Variants in TGFB2 observed in about 807,000 individuals in gnomAD.
TGFB2 encodes the protein transforming growth factor beta 2, also known as transforming growth factor beta-2 proprotein.
Under a neutral mutation model 42.7 loss-of-function variants are expected in TGFB2, and 13 were observed. That is an observed-to-expected ratio of 0.30 (90% confidence interval 0.20 to 0.48). The LOEUF (loss-of-function observed/expected upper bound fraction) is 0.48. TGFB2 is among the 20% of genes least tolerant of loss of function. The pLI is 0.99. For synonymous variants in TGFB2, 193 were observed against 193.6 expected (o/e 1.00, Z 0.03); for missense variants, 390 against 517.5 (o/e 0.75, Z 2.39).
At chr1:218,430,317 C>T (rs1049913535) in intron 2 of TGFB2, among the ~76,000 whole-genome samples, 2 of 151,898 alleles carry the variant, frequency 1.3e-5, no homozygotes, top group African/African-American at 4.8e-5. Context: ...ATCACTTGAA[C>T]CCTGGAGGCG....
intron 1 of TGFB2, among the ~76,000 whole-genome samples, chr1:218,372,037 C>A (rs1657589323): frequency 6.6e-6 from 1 of 152,116 alleles, no homozygotes; most frequent in Non-Finnish European, 1.5e-5. Context: ...TCTGACCGTC[C>A]CTGAGCGTGC....
At chr1:218,415,456 A>G (rs975389091) in intron 2 of TGFB2, among the ~76,000 whole-genome samples, 4 of 151,912 alleles carry the variant, frequency 2.6e-5, no homozygotes, top group South Asian at 2.1e-4. Context: ...GCACTTTGGG[A>G]GGCCGAGGTG....
intron 2 of TGFB2, among the ~76,000 whole-genome samples, chr1:218,419,514 C>G (rs1207821961): frequency 6.6e-6 from 1 of 151,694 alleles, no homozygotes; most frequent in African/African-American, 2.4e-5. Flanking sequence ...TGTTTATAAT[C>G]TTATCTCTAC....
At chr1:218,360,287 C>T (rs1657167790) in intron 1 of TGFB2, among the ~76,000 whole-genome samples, 1 of 152,146 alleles carries the variant, frequency 6.6e-6, no homozygotes, top group African/African-American at 2.4e-5. Context: ...TGTGTCATTG[C>T]AGGCAAAAAT....
At position 218,419,528 on chromosome 1, in the gene TGFB2, T is replaced by C. The variant is rs7548011; in HGVS notation, c.510+14196T>C. 4.2e-3 allele frequency among the ~76,000 whole-genome samples: 647 copies of C among 152,322 alleles called. 7 individuals are homozygous for C. Among genetic ancestry groups the C allele is most frequent in the African/African-American group, 0.015 (621 of 41,574 alleles). ...TTGTTTATAATCTTATCTCTACCTC[T>C]AGCCATAAACTACTGGAGATGTGTC... On this transcript the variant is annotated intron_variant, in intron 2 of 6. Transcript: ENST00000366930.
chr1:218,355,889 T>C (rs1157010942), intron 1 of TGFB2, among the ~76,000 whole-genome samples: 3 of 152,192 alleles, frequency 2.0e-5, no homozygotes, highest in African/African-American at 7.2e-5. Flanking sequence ...AATCTGGATT[T>C]TAGAAATAAT....
intron 1 of TGFB2, among the ~76,000 whole-genome samples, chr1:218,347,933 A>AT (rs11406779): frequency 0.08 from 10,388 of 129,866 alleles, 643 homozygotes; most frequent in African/African-American, 0.18. Context: ...CGACAGCCGT[A>AT]TTTTTTTTTT....
intron 1 of TGFB2, among the ~76,000 whole-genome samples, chr1:218,350,549 A>G (rs1186575532): frequency 6.6e-6 from 1 of 152,248 alleles, no homozygotes; most frequent in Non-Finnish European, 1.5e-5. Context: ...TGTTAACAGT[A>G]CCATTTAGAA....
intron 1 of TGFB2, among the ~76,000 whole-genome samples, chr1:218,371,293 C>A (rs1657563799): frequency 6.6e-6 from 1 of 152,056 alleles, no homozygotes; most frequent in Non-Finnish European, 1.5e-5. Flanking sequence ...AGAGGGGAGA[C>A]CCTGTCTCAA....
At chr1:218,398,594 T>C (rs1658603733) in intron 1 of TGFB2, among the ~76,000 whole-genome samples, 1 of 151,962 alleles carries the variant, frequency 6.6e-6, no homozygotes, top group South Asian at 2.1e-4. Flanking sequence ...ATTTATTTTT[T>C]ATTTTATTTT....
In TGFB2 at chr1:218,346,950, C is replaced by G. The variant is rs757596095; in HGVS notation, c.249C>G (p.Ser83Arg). 1.2e-6 allele frequency: 2 copies of G among 1,614,014 alleles called. No homozygotes were observed. The highest frequency in any genetic ancestry group is 8.5e-7 in the Non-Finnish European group (1 of 1,179,956). Reference protein sequence around the residue: ...STRDLLQEKASRRAAACERER... With the variant: ...STRDLLQEKARRRAAACERER... Reference sequence around the variant, plus strand: ...GGGACTTGCTCCAGGAGAAGGCGAGCCGGAGGGCGGCCGCCTGCGAGCGCG... The same window carrying G: ...GGGACTTGCTCCAGGAGAAGGCGAGGCGGAGGGCGGCCGCCTGCGAGCGCG... Residue 83 changes from serine (S) to arginine (R), a missense_variant, in exon 1 of 7, where the codon AGC becomes AGG. Transcript: ENST00000366930. The surrounding 1 kb of genome is among the most constrained non-coding windows in gnomAD (Gnocchi z 4.9).
chr1:218,365,211 A>AT (rs1271009325), intron 1 of TGFB2, among the ~76,000 whole-genome samples: 1 of 152,136 alleles, frequency 6.6e-6, no homozygotes, highest in East Asian at 1.9e-4. Context: ...AGATGCCACC[A>AT]TACCACAGAG....
intron 2 of TGFB2, among the ~76,000 whole-genome samples, chr1:218,411,901 C>T (rs889178772): frequency 1.3e-5 from 2 of 150,094 alleles, no homozygotes; most frequent in African/African-American, 4.9e-5. Flanking sequence ...CCAGAAATGA[C>T]ACAGCATCAC....
intron 2 of TGFB2, among the ~76,000 whole-genome samples, chr1:218,411,202 G>A (rs1000730098): frequency 1.3e-5 from 2 of 152,128 alleles, no homozygotes; most frequent in African/African-American, 2.4e-5. Flanking sequence ...CACTGTCTGG[G>A]TTATCTATTT....
intron 1 of TGFB2, among the ~76,000 whole-genome samples, chr1:218,401,778 G>A (rs1658730095): frequency 6.6e-6 from 1 of 152,200 alleles, no homozygotes; most frequent in Admixed American, 6.5e-5. Context: ...AGCTGCACAA[G>A]CCATTAAGCC....
chr1:218,436,682 T>C (rs1659981859), intron 5 of TGFB2, among the ~76,000 whole-genome samples: 1 of 152,160 alleles, frequency 6.6e-6, no homozygotes, highest in African/African-American at 2.4e-5. Context: ...TGAATGTTCT[T>C]ATGTGGTCTC....
chr1:218,387,944 C>G (rs10482761), intron 1 of TGFB2, among the ~76,000 whole-genome samples: 3,517 of 152,028 alleles, frequency 0.023, 143 homozygotes, highest in African/African-American at 0.081. Context: ...TTCTATGTCC[C>G]CCCACCCCCA....
chr1:218,439,275 G>A (rs993535203), intron 6 of TGFB2, among the ~76,000 whole-genome samples: 17 of 152,042 alleles, frequency 1.1e-4, no homozygotes, highest in African/African-American at 4.1e-4. Context: ...CCTAAAATAT[G>A]GTTACACGTT....
At chr1:218,405,600 C>G in intron 2 of TGFB2, 1 of 461,842 alleles carries the variant, frequency 2.2e-6, no homozygotes, top group South Asian at 2.2e-5. Flanking sequence ...AACTCCTGGC[C>G]TTAAGCAATC....
Sources: gnomAD v4.1 joint callset for allele counts (sites outside exome capture counted in the v4.1 genomes callset) on GRCh38, gnomAD v4.1.1 for gene constraint, Gnocchi (gnomAD v3.1) non-coding constraint, MANE v1.5 for transcripts, NCBI Gene and HGNC (gene_info 2026-07-23, HGNC 2026-07-21) for gene names.